Variants in LARS2 observed in about 807,000 individuals in gnomAD.
The protein encoded by LARS2 is leucyl-tRNA synthetase 2, mitochondrial.
A neutral mutation model predicts 116.6 loss-of-function variants in LARS2; 81 were observed. That is an observed-to-expected ratio of 0.69 (90% CI 0.58 to 0.84). The LOEUF (loss-of-function observed/expected upper bound fraction) is 0.84. Among genes scored for constraint, LARS2 ranks in the 40% least tolerant of loss-of-function variants. LARS2 has a pLI of 0.00. For synonymous variants in LARS2, 396 were observed against 407.2 expected, an observed-to-expected ratio of 0.97 and a Z score of 0.33; for missense variants, 968 against 1,114.5, an observed-to-expected ratio of 0.87 and a Z score of 1.87.
At chr3:45,400,970 C>T (rs976226741) in intron 4 of LARS2, among the ~76,000 whole-genome samples, 2 of 151,928 alleles carry the variant, frequency 1.3e-5, no homozygotes, top group East Asian at 1.9e-4. Context: ...CCCACCACCA[C>T]GCCTGGCTAA....
intron 8 of LARS2, among the ~76,000 whole-genome samples, chr3:45,464,212 G>C (rs1294573977): frequency 6.6e-6 from 1 of 152,208 alleles, no homozygotes; most frequent in African/African-American, 2.4e-5. Context: ...CTGGAGGAAA[G>C]AGGAGGTGAG....
At chr3:45,424,771 C>T (rs572702749) in intron 6 of LARS2, among the ~76,000 whole-genome samples, 13 of 152,304 alleles carry the variant, frequency 8.5e-5, no homozygotes, top group African/African-American at 2.9e-4. Context: ...TGCTCAGTGA[C>T]CACTTTTGAT....
chr3:45,445,562 G>A (rs896729244), intron 6 of LARS2, among the ~76,000 whole-genome samples: 1 of 152,218 alleles, frequency 6.6e-6, no homozygotes, highest in African/African-American at 2.4e-5. Flanking sequence ...TGGCTCTTGT[G>A]TTGTGGAAGC....
At chr3:45,448,205 G>A (rs932227245) in intron 7 of LARS2, among the ~76,000 whole-genome samples, 7 of 152,176 alleles carry the variant, frequency 4.6e-5, no homozygotes, top group Admixed American at 1.3e-4. Context: ...AAAAAATAGT[G>A]TTCTATTCCA....
Position 45,394,533 on chromosome 3 carries a change from A to C in LARS2, c.80A>C (p.Lys27Thr), listed in dbSNP as rs776961881. ...RQLNGGPDVI[K>T]WERRVIPGCT... The stretch of plus-strand genomic sequence containing the variant: ...CTAAATGGTGGGCCAGATGTCATCA[A>C]GTGGGAAAGGAGAGTAATTCCCGGA... Residue 27 changes from lysine (K) to threonine (T), a missense_variant, in exon 3 of 22, where the codon AAG becomes ACG. Physicochemically the swap from Lys to Thr is moderately conservative, Grantham distance 78 (BLOSUM62 -1). Transcript: ENST00000645846. The C allele has an allele frequency of 1.9e-5, 30 of 1,614,106 alleles. No individual in the cohort carries two copies. Among genetic ancestry groups the C allele is most frequent in the Non-Finnish European group, 2.5e-5 (29 of 1,180,050 alleles).
chr3:45,522,575 A>G (rs1389157452), intron 19 of LARS2, among the ~76,000 whole-genome samples: 1 of 152,144 alleles, frequency 6.6e-6, no homozygotes, highest in Non-Finnish European at 1.5e-5. Flanking sequence ...TACTAAAAAT[A>G]CAAAAAATCA....
intron 6 of LARS2, among the ~76,000 whole-genome samples, chr3:45,442,662 T>G (rs1698932683): frequency 2.0e-5 from 3 of 152,144 alleles, no homozygotes; most frequent in Admixed American, 2.0e-4. Context: ...GGTAGAAGGC[T>G]TGGTGGTCGC....
intron 4 of LARS2, among the ~76,000 whole-genome samples, chr3:45,404,514 C>A (rs1391681395): frequency 6.6e-6 from 1 of 152,160 alleles, no homozygotes; most frequent in Admixed American, 6.5e-5. Context: ...TCAAGTTTAA[C>A]GATCCTCACT....
chr3:45,419,560 A>G, intron 5 of LARS2, 109 bp from the exon 6 acceptor site: 1 of 847,650 alleles, frequency 1.2e-6, no homozygotes, highest in Non-Finnish European at 1.9e-6. Context: ...CTTAAAACCC[A>G]TTTGAATAAT....
At chr3:45,481,943 C>T (rs1010305013) in intron 10 of LARS2, among the ~76,000 whole-genome samples, 3 of 152,144 alleles carry the variant, frequency 2.0e-5, no homozygotes, top group East Asian at 1.9e-4. Context: ...AAGATTTATA[C>T]GTATTTTATT....
At chr3:45,483,082 A>G (rs1186245294) in intron 10 of LARS2, among the ~76,000 whole-genome samples, 1 of 152,216 alleles carries the variant, frequency 6.6e-6, no homozygotes, top group East Asian at 1.9e-4. Flanking sequence ...CACACTAGCC[A>G]TGTGTCCAAC....
At chr3:45,419,790 C>G (rs970788253) in intron 6 of LARS2, 61 bp downstream of exon 6, 50 of 1,325,140 alleles carry the variant, frequency 3.8e-5, no homozygotes, top group Non-Finnish European at 5.2e-5. Flanking sequence ...TGGCAGGGAG[C>G]ACTCTTCTTC....
intron 6 of LARS2, among the ~76,000 whole-genome samples, chr3:45,440,459 TG>T (rs11342169): frequency 0.03 from 4,629 of 152,232 alleles, 83 homozygotes; most frequent in Non-Finnish European, 0.049. Context: ...CAATGAGACT[TG>T]GGGAGGTGAA....
intron 6 of LARS2, among the ~76,000 whole-genome samples, chr3:45,427,825 CTT>C (rs11456888): frequency 1.4e-5 from 2 of 141,726 alleles, no homozygotes; most frequent in African/African-American, 2.6e-5. Context: ...CCTTTTTTTT[CTT>C]TTTTTTTTTT....
intron 8 of LARS2, among the ~76,000 whole-genome samples, chr3:45,472,102 A>G (rs528654491): frequency 6.6e-6 from 1 of 152,324 alleles, no homozygotes; most frequent in South Asian, 2.1e-4. Context: ...TCACAGTTGA[A>G]TGAGAATGCC....
chr3:45,394,745 T>C, intron 3 of LARS2, 58 bp downstream of exon 3: 1 of 1,218,306 alleles, frequency 8.2e-7, no homozygotes, highest in Non-Finnish European at 1.2e-6. Context: ...GTTTGGACCC[T>C]GGGGTTAGAC....
chr3:45,511,923 G>A (rs1700298022), intron 15 of LARS2, among the ~76,000 whole-genome samples: 1 of 151,836 alleles, frequency 6.6e-6, no homozygotes, highest in African/African-American at 2.4e-5. Context: ...CTACAGGTGC[G>A]CGCCCCCACA....
intron 9 of LARS2, 30 bp from the exon 10 acceptor site, chr3:45,476,436 GAA>G (rs757576707): frequency 1.9e-6 from 3 of 1,613,048 alleles, no homozygotes; most frequent in African/African-American, 2.7e-5. Context: ...GGAGGACTGA[GAA>G]ATGACATCAC....
intron 6 of LARS2, among the ~76,000 whole-genome samples, chr3:45,445,097 G>A (rs1018764830): frequency 6.6e-6 from 1 of 152,132 alleles, no homozygotes; most frequent in African/African-American, 2.4e-5. Flanking sequence ...TCATCTTGGG[G>A]ACAACAGTGT....
Sources: gnomAD v4.1 joint callset for allele counts (sites outside exome capture counted in the v4.1 genomes callset) on GRCh38, gnomAD v4.1.1 for gene constraint, MANE v1.5 for transcripts, NCBI Gene and HGNC (gene_info 2026-07-23, HGNC 2026-07-21) for gene names.